The following ROBO1 variants were observed in gnomAD, a reference collection of about 807,000 sequenced individuals.
The protein encoded by ROBO1 is roundabout homolog 1.
Under a neutral mutation model 195.9 loss-of-function variants are expected in ROBO1, and 149 were observed. That is an observed-to-expected ratio of 0.76 (90% confidence interval 0.67 to 0.87). ROBO1 has a LOEUF of 0.87. Ranked by LOEUF, ROBO1 falls within the 40% of genes least tolerant of loss-of-function variation. The probability of loss-of-function intolerance (pLI) is 0.00; values close to 1 mark genes in which losing one functional copy is unlikely to be tolerated. For synonymous variants in ROBO1, 816 were observed against 733.2 expected (o/e 1.11, Z -1.82); for missense variants, 1,933 against 2,068.3 (o/e 0.93, Z 1.27).
At chr3:79,071,395 A>T (rs916783985) in intron 3 of ROBO1, among the ~76,000 whole-genome samples, 1 of 151,548 alleles carries the variant, frequency 6.6e-6, no homozygotes, top group African/African-American at 2.4e-5. Flanking sequence ...TATTTTTGGT[A>T]ATTTCTTTCT....
At chr3:79,614,437 T>C (rs571514770) in intron 1 of ROBO1, among the ~76,000 whole-genome samples, 18 of 152,146 alleles carry the variant, frequency 1.2e-4, no homozygotes, top group East Asian at 1.9e-4. Context: ...AAACATAACA[T>C]ACAAATTCAT....
intron 1 of ROBO1, among the ~76,000 whole-genome samples, chr3:79,720,855 C>G (rs1055925747): frequency 1.3e-5 from 2 of 148,888 alleles, no homozygotes; most frequent in Non-Finnish European, 3.0e-5. Flanking sequence ...TGCAGTGGTG[C>G]GATCTCGGCT....
chr3:79,701,918 G>A (rs1947632835), intron 1 of ROBO1, among the ~76,000 whole-genome samples: 2 of 151,606 alleles, frequency 1.3e-5, no homozygotes, highest in Non-Finnish European at 2.9e-5. Context: ...TTATGACTAT[G>A]GGCAGGGCTT....
intron 3 of ROBO1, among the ~76,000 whole-genome samples, chr3:78,951,577 A>G (rs1244855481): frequency 6.6e-6 from 1 of 152,148 alleles, no homozygotes; most frequent in African/African-American, 2.4e-5. Context: ...AACTAGGATG[A>G]TACTCTCTCT....
intron 4 of ROBO1, among the ~76,000 whole-genome samples, chr3:78,836,289 G>C (rs1368516807): frequency 2.0e-5 from 3 of 151,944 alleles, no homozygotes; most frequent in Admixed American, 2.0e-4. Flanking sequence ...GAGGCGGGCG[G>C]ATCACGAGGT....
chr3:79,189,093 G>T (rs1300313031), intron 2 of ROBO1, among the ~76,000 whole-genome samples: 2 of 151,688 alleles, frequency 1.3e-5, no homozygotes, highest in Non-Finnish European at 2.9e-5. Context: ...TTTATAAGCT[G>T]CCCAGTTTAT....
chr3:78,633,943 CT>C lies in ROBO1; in HGVS notation c.3472del (p.Ser1158ValfsTer23). 6.2e-7 allele frequency: 1 copy of C among 1,605,750 alleles called. No individual in the cohort carries two copies. ...TGGTTCATCTTACTTACCAGATGTA[CT>C]ACTGCCCCGGTCTGAGCTGTTGTAG... ...GSYNSSDRGS[S>X]TSGSQGHKKG... On this transcript the variant is annotated frameshift_variant, in exon 24 of 31. Transcript: ENST00000464233. LOFTEE classifies it high-confidence loss of function.
intron 3 of ROBO1, among the ~76,000 whole-genome samples, chr3:79,063,510 C>CA (rs11441603): frequency 0.89 from 121,178 of 136,498 alleles, 54,040 homozygotes; most frequent in East Asian, 0.96. Flanking sequence ...TTTCTCATTC[C>CA]AAAAAAAAAA....
intron 3 of ROBO1, among the ~76,000 whole-genome samples, chr3:79,033,991 A>T (rs1039862824): frequency 6.6e-5 from 10 of 152,110 alleles, no homozygotes; most frequent in African/African-American, 2.4e-4. Context: ...ACAACTGTCA[A>T]TCCTTTCAAA....
chr3:79,088,195 G>A (rs1054515260), intron 3 of ROBO1, among the ~76,000 whole-genome samples: 1 of 152,184 alleles, frequency 6.6e-6, no homozygotes, highest in Non-Finnish European at 1.5e-5. Context: ...TATCTGCTAT[G>A]TGATCCATGT....
intron 4 of ROBO1, among the ~76,000 whole-genome samples, chr3:78,812,417 C>G (rs1350185100): frequency 6.6e-6 from 1 of 152,128 alleles, no homozygotes; most frequent in Non-Finnish European, 1.5e-5. Context: ...AGGGCTGTTG[C>G]AGTTACAATT....
intron 3 of ROBO1, among the ~76,000 whole-genome samples, chr3:79,110,757 G>A (rs533091285): frequency 6.6e-6 from 1 of 151,266 alleles, no homozygotes; most frequent in Non-Finnish European, 1.5e-5. Context: ...CAAGTAGCTA[G>A]GACTACAAGT....
intron 2 of ROBO1, among the ~76,000 whole-genome samples, chr3:79,357,896 G>A (rs12633859): frequency 0.061 from 9,282 of 152,078 alleles, 344 homozygotes; most frequent in East Asian, 0.13. Context: ...TTTCATTTGC[G>A]GATTAGTGGA....
At chr3:79,313,425 G>T (rs899075953) in intron 2 of ROBO1, among the ~76,000 whole-genome samples, 2 of 152,100 alleles carry the variant, frequency 1.3e-5, no homozygotes, top group Non-Finnish European at 2.9e-5. Flanking sequence ...CTGATGGATT[G>T]TCTACAGAAA....
chr3:78,947,799 G>A (rs1289562460), intron 3 of ROBO1, among the ~76,000 whole-genome samples: 1 of 151,968 alleles, frequency 6.6e-6, no homozygotes, highest in Non-Finnish European at 1.5e-5. Flanking sequence ...GAAGAAAAGA[G>A]AGAAGAATCA....
At chr3:79,716,806 A>C (rs948002093) in intron 1 of ROBO1, among the ~76,000 whole-genome samples, 2 of 152,002 alleles carry the variant, frequency 1.3e-5, no homozygotes, top group Non-Finnish European at 2.9e-5. Flanking sequence ...TAGGTTATTA[A>C]AGAGATGTCT....
intron 3 of ROBO1, among the ~76,000 whole-genome samples, chr3:78,992,103 C>T (rs1410384275): frequency 6.6e-6 from 1 of 152,112 alleles, no homozygotes; most frequent in Non-Finnish European, 1.5e-5. Context: ...ATAGAATGCT[C>T]CAGGATAATA....
intron 1 of ROBO1, among the ~76,000 whole-genome samples, chr3:79,705,448 A>G (rs1947741357): frequency 6.6e-6 from 1 of 151,780 alleles, no homozygotes; most frequent in African/African-American, 2.4e-5. Context: ...TCTCCATTGT[A>G]TTGTCATTGT....
At chr3:78,946,009 A>AT (rs2040419701) in intron 3 of ROBO1, among the ~76,000 whole-genome samples, 1 of 152,160 alleles carries the variant, frequency 6.6e-6, no homozygotes, top group South Asian at 2.1e-4. Context: ...CCTCCAAGAA[A>AT]TATAGGACCA....
Sources: allele counts gnomAD v4.1 joint callset (sites outside exome capture counted in the v4.1 genomes callset), GRCh38; gene constraint gnomAD v4.1.1; transcripts MANE v1.5; gene names NCBI Gene and HGNC (gene_info 2026-07-23, HGNC 2026-07-21).